Variants in ELOVL6 observed in about 807,000 individuals in gnomAD.
ELOVL6 encodes the protein very long chain fatty acid elongase 6.
Under a neutral mutation model 31.7 loss-of-function variants are expected in ELOVL6, and 8 were observed. The observed-to-expected ratio is 0.25, with a 90% CI of 0.15 to 0.45. The LOEUF is 0.45. ELOVL6 is among the 20% of genes least tolerant of loss of function. The pLI is 1.00. For missense variants in ELOVL6, 126 were observed against 326.4 expected (o/e 0.39, Z 4.73); for synonymous variants, 101 against 117.7 (o/e 0.86, Z 0.92).
At chr4:110,163,821 C>T (rs1015280816) in intron 1 of ELOVL6, among the ~76,000 whole-genome samples, 1 of 152,136 alleles carries the variant, frequency 6.6e-6, no homozygotes, top group African/African-American at 2.4e-5. Flanking sequence ...TCATAAGATA[C>T]TTATAGAGCA....
At chr4:110,084,344 G>GATATATACCGC (rs1391288676) in intron 2 of ELOVL6, among the ~76,000 whole-genome samples, 3 of 88,438 alleles carry the variant, frequency 3.4e-5, no homozygotes, top group African/African-American at 1.2e-4. Flanking sequence ...TCACATATAT[G>GATATATACCGC]ATATATGATA....
At chr4:110,165,181 T>C (rs1167809556) in intron 1 of ELOVL6, among the ~76,000 whole-genome samples, 1 of 152,190 alleles carries the variant, frequency 6.6e-6, no homozygotes, top group East Asian at 1.9e-4. Flanking sequence ...TTGCTAGATA[T>C]CTACAAACTA....
At chr4:110,150,038 T>A (rs1259942066) in intron 1 of ELOVL6, among the ~76,000 whole-genome samples, 1 of 152,198 alleles carries the variant, frequency 6.6e-6, no homozygotes, top group Non-Finnish European at 1.5e-5. Flanking sequence ...ACTGTTTCTT[T>A]TTTTTTCTGC....
intron 1 of ELOVL6, among the ~76,000 whole-genome samples, chr4:110,194,428 A>C (rs1445674030): frequency 6.6e-6 from 1 of 152,218 alleles, no homozygotes; most frequent in Non-Finnish European, 1.5e-5. Flanking sequence ...ATGATTCTAC[A>C]AGGGAATACA....
intron 1 of ELOVL6, among the ~76,000 whole-genome samples, chr4:110,192,146 A>G (rs1759641624): frequency 3.3e-5 from 5 of 151,406 alleles, no homozygotes; most frequent in Admixed American, 3.3e-4. Context: ...GCCGAGATGG[A>G]ACAATTGCAC....
At chr4:110,199,006 G>A (rs1759910773), upstream of ELOVL6, 1 of 152,188 alleles carries the variant, frequency 6.6e-6, no homozygotes, top group South Asian at 2.1e-4. Flanking sequence ...CCAGTGAAGG[G>A]AATACGCTTC....
intron 1 of ELOVL6, among the ~76,000 whole-genome samples, chr4:110,129,248 A>G (rs1306013005): frequency 6.6e-6 from 1 of 151,924 alleles, no homozygotes; most frequent in Non-Finnish European, 1.5e-5. Flanking sequence ...ATATTTCTCA[A>G]GTGAGACACA....
intron 1 of ELOVL6, among the ~76,000 whole-genome samples, chr4:110,152,865 C>T (rs1170413061): frequency 1.3e-5 from 2 of 152,136 alleles, no homozygotes; most frequent in Non-Finnish European, 2.9e-5. Context: ...TCCTAGAAAC[C>T]TTATTTCAAA....
chr4:110,073,195 T>C (rs1755539336), intron 2 of ELOVL6, among the ~76,000 whole-genome samples: 1 of 152,142 alleles, frequency 6.6e-6, no homozygotes, highest in East Asian at 1.9e-4. Flanking sequence ...ATCATCTCCA[T>C]ACCACACGTG....
At chr4:110,196,339 G>C (rs919915497) in intron 1 of ELOVL6, among the ~76,000 whole-genome samples, 2 of 152,224 alleles carry the variant, frequency 1.3e-5, no homozygotes, top group Admixed American at 6.5e-5. Context: ...AGGCCGGCTG[G>C]AGGATATGAC....
chr4:110,100,558 G>C (rs1294989240), intron 2 of ELOVL6, among the ~76,000 whole-genome samples: 3 of 152,152 alleles, frequency 2.0e-5, no homozygotes, highest in Non-Finnish European at 2.9e-5. Context: ...TGAGTGAACA[G>C]TGTATGGCAT....
intron 2 of ELOVL6, among the ~76,000 whole-genome samples, chr4:110,096,948 G>A (rs1002019479): frequency 6.6e-6 from 1 of 152,026 alleles, no homozygotes; most frequent in African/African-American, 2.4e-5. Context: ...TAACAAAACT[G>A]AACAGGATAA....
intron 1 of ELOVL6, among the ~76,000 whole-genome samples, chr4:110,192,446 T>G (rs1759653117): frequency 1.3e-5 from 2 of 152,144 alleles, no homozygotes; most frequent in Non-Finnish European, 2.9e-5. Flanking sequence ...TTATACACTT[T>G]GACACATTTA....
chr4:110,163,137 C>T (rs761898529), intron 1 of ELOVL6, among the ~76,000 whole-genome samples: 2 of 152,162 alleles, frequency 1.3e-5, no homozygotes, highest in Non-Finnish European at 2.9e-5. Context: ...AAACAGAAAG[C>T]AGAAGCCTAC....
intron 2 of ELOVL6, among the ~76,000 whole-genome samples, chr4:110,087,722 T>C (rs1422631622): frequency 6.6e-6 from 1 of 152,080 alleles, no homozygotes; most frequent in Non-Finnish European, 1.5e-5. Flanking sequence ...TCTACATTTT[T>C]AGATCAAGAA....
At position 110,198,276 on chromosome 4, in the gene ELOVL6, A is replaced by T. The variant is rs1461913665; in HGVS notation, c.60T>A (p.Asn20Lys). Residue 20 changes from asparagine (N) to lysine (K), a missense_variant, in exon 1 of 4, where the codon AAT becomes AAA. This residue lies in a region of ELOVL6 where 16 missense variants were observed against 22.8 expected (regional missense o/e 0.70). Transcript: ENST00000302274. ...EYEFEKQFNE[N>K]EAIQWMQENW... Reference sequence around the variant, plus strand: ...TTTCCTGCATCCATTGGATGGCTTCATTCTCGTTGAACTGCTTTTCGAATT... The same window carrying T: ...TTTCCTGCATCCATTGGATGGCTTCTTTCTCGTTGAACTGCTTTTCGAATT... 6.2e-7 allele frequency: 1 copy of T among 1,611,362 alleles called. No individual in the cohort carries two copies. Among genetic ancestry groups the T allele is most frequent in the Non-Finnish European group, 8.5e-7 (1 of 1,177,422 alleles).
At chr4:110,076,078 T>C (rs1376804714) in intron 2 of ELOVL6, among the ~76,000 whole-genome samples, 1 of 152,184 alleles carries the variant, frequency 6.6e-6, no homozygotes, top group Non-Finnish European at 1.5e-5. Context: ...CAGTGGGTAA[T>C]AGCAAGCTGA....
chr4:110,193,423 G>A (rs1297027664), intron 1 of ELOVL6, among the ~76,000 whole-genome samples: 1 of 152,134 alleles, frequency 6.6e-6, no homozygotes, highest in Admixed American at 6.5e-5. Flanking sequence ...TGACCAACAC[G>A]GTGAATTCCC....
chr4:110,177,778 C>A (rs146605172), intron 1 of ELOVL6, among the ~76,000 whole-genome samples: 135 of 152,238 alleles, frequency 8.9e-4, no homozygotes, highest in African/African-American at 3.0e-3. Flanking sequence ...AATTAAAAGT[C>A]TTCATGTTTT....
Sources: gnomAD v4.1 joint callset for allele counts (sites outside exome capture counted in the v4.1 genomes callset) on GRCh38, gnomAD v4.1.1 for gene constraint, gnomAD v4.1.1 regional missense constraint, MANE v1.5 for transcripts, NCBI Gene and HGNC (gene_info 2026-07-23, HGNC 2026-07-21) for gene names.